Variants in APP observed in about 807,000 individuals in gnomAD.
APP encodes the protein amyloid beta precursor protein.
In APP, 31 loss-of-function variants were observed where a neutral mutation model predicts 101.4. The observed-to-expected ratio is 0.31, with a 90% CI of 0.23 to 0.41. The LOEUF (loss-of-function observed/expected upper bound fraction) is 0.41. APP is among the 10% of genes least tolerant of loss of function. APP has a pLI of 1.00. For missense variants in APP, 839 were observed against 1,003.7 expected, an observed-to-expected ratio of 0.84 and a Z score of 2.22; for synonymous variants, 366 against 364.4, an observed-to-expected ratio of 1.00 and a Z score of -0.05.
At chr21:26,070,524 T>A (rs960153504) in intron 3 of APP, among the ~76,000 whole-genome samples, 1 of 152,194 alleles carries the variant, frequency 6.6e-6, no homozygotes, top group African/African-American at 2.4e-5. Flanking sequence ...AAGGTATCTG[T>A]CTACACCTGC....
chr21:26,004,870 T>G (rs1166102334), intron 6 of APP, among the ~76,000 whole-genome samples: 1 of 150,568 alleles, frequency 6.6e-6, no homozygotes, highest in Non-Finnish European at 1.5e-5. Flanking sequence ...TTCTCATTGT[T>G]CAATTTCCAC....
intron 6 of APP, among the ~76,000 whole-genome samples, chr21:26,021,445 T>G (rs1429184351): frequency 6.6e-6 from 1 of 152,002 alleles, no homozygotes; most frequent in Non-Finnish European, 1.5e-5. Context: ...CTGAATAAAA[T>G]CAAGTCCTTA....
intron 3 of APP, among the ~76,000 whole-genome samples, chr21:26,086,385 T>C (rs1452078994): frequency 2.6e-5 from 4 of 152,164 alleles, no homozygotes; most frequent in African/African-American, 9.7e-5. Flanking sequence ...ATAGCACATA[T>C]GTCCGAGGCA....
At chr21:26,069,022 T>G (rs1019915108) in intron 3 of APP, among the ~76,000 whole-genome samples, 6 of 152,176 alleles carry the variant, frequency 3.9e-5, no homozygotes, top group Admixed American at 6.5e-5. Context: ...TGGGTCAAAG[T>G]CTTTCCTATG....
chr21:26,148,605 T>C (rs2063201702), intron 1 of APP, among the ~76,000 whole-genome samples: 1 of 152,194 alleles, frequency 6.6e-6, no homozygotes, highest in Non-Finnish European at 1.5e-5. Flanking sequence ...AGCAGTGAAA[T>C]GTGAAACGAA....
intron 1 of APP, among the ~76,000 whole-genome samples, chr21:26,139,124 C>T (rs2062985737): frequency 6.6e-6 from 1 of 151,564 alleles, no homozygotes; most frequent in Admixed American, 6.6e-5. Flanking sequence ...AACAATGATG[C>T]AACATTACGT....
intron 6 of APP, among the ~76,000 whole-genome samples, chr21:26,011,072 TA>T (rs199560440): frequency 5.9e-4 from 88 of 149,452 alleles, no homozygotes; most frequent in East Asian, 5.4e-3. Context: ...TTCACTTTTT[TA>T]TTTTTATTTA....
intron 9 of APP, among the ~76,000 whole-genome samples, chr21:25,976,279 CT>C (rs45550035): frequency 6.6e-6 from 1 of 151,964 alleles, no homozygotes; most frequent in Non-Finnish European, 1.5e-5. Context: ...CAAGGTTGGT[CT>C]TTTTTTACCC....
chr21:25,998,827 G>C (rs1428541538), intron 7 of APP, among the ~76,000 whole-genome samples: 1 of 151,102 alleles, frequency 6.6e-6, no homozygotes, highest in African/African-American at 2.4e-5. Context: ...AGCACAATTG[G>C]GAATTTCACT....
chr21:25,935,022 A>G (rs2040304304), intron 13 of APP: 1 of 152,188 alleles, frequency 6.6e-6, no homozygotes, highest in Non-Finnish European at 1.5e-5. Context: ...GAAGGGCCTC[A>G]GTTTCAAACA....
At chr21:26,121,008 G>A (rs1461850714) in intron 1 of APP, among the ~76,000 whole-genome samples, 1 of 152,134 alleles carries the variant, frequency 6.6e-6, no homozygotes, top group East Asian at 1.9e-4. Flanking sequence ...AGCCCTCTCC[G>A]GGAGGTAGGT....
chr21:26,055,754 C>G (rs1236659332), intron 3 of APP, among the ~76,000 whole-genome samples: 1 of 152,254 alleles, frequency 6.6e-6, no homozygotes, highest in Middle Eastern at 3.4e-3. Context: ...AGATTAAATG[C>G]CTGTCATGTA....
chr21:25,894,202 G>A (rs2037879326), intron 16 of APP, among the ~76,000 whole-genome samples: 1 of 152,150 alleles, frequency 6.6e-6, no homozygotes, highest in Non-Finnish European at 1.5e-5. Context: ...CAAGAGCTCT[G>A]AAGGACAGGT....
At chr21:26,125,208 A>G (rs914295324) in intron 1 of APP, among the ~76,000 whole-genome samples, 5 of 152,204 alleles carry the variant, frequency 3.3e-5, no homozygotes, top group Non-Finnish European at 7.3e-5. Flanking sequence ...CTGCTGCCAC[A>G]TTCCAAAGCA....
intron 11 of APP, among the ~76,000 whole-genome samples, chr21:25,966,139 G>T (rs2041786947): frequency 6.6e-6 from 1 of 152,148 alleles, no homozygotes; most frequent in Admixed American, 6.5e-5. Flanking sequence ...CTTCCCATTT[G>T]TATGTAGCAA....
intron 16 of APP, among the ~76,000 whole-genome samples, chr21:25,897,324 C>T (rs975219029): frequency 6.6e-5 from 10 of 152,236 alleles, no homozygotes; most frequent in Non-Finnish European, 8.8e-5. Flanking sequence ...CCATATTGGC[C>T]AGGCTGGTCT....
At chr21:25,973,609 A>T (rs1330365884) in intron 11 of APP, among the ~76,000 whole-genome samples, 2 of 152,176 alleles carry the variant, frequency 1.3e-5, no homozygotes, top group Non-Finnish European at 2.9e-5. Context: ...GTCCACAATC[A>T]CAGGCAGAGC....
At chr21:25,887,515 T>C (rs1209285754) in intron 17 of APP, among the ~76,000 whole-genome samples, 1 of 124,536 alleles carries the variant, frequency 8.0e-6, no homozygotes, top group Non-Finnish European at 1.7e-5. Context: ...TCCTGCTTAT[T>C]TGAAAAAAAA....
chr21:25,943,085 T>C (rs1249638433), intron 13 of APP: 1 of 152,206 alleles, frequency 6.6e-6, no homozygotes, highest in East Asian at 1.9e-4. Context: ...GTCATCCTTG[T>C]GCAGGGGCCA....
Sources: gnomAD v4.1 joint callset for allele counts (sites outside exome capture counted in the v4.1 genomes callset) on GRCh38, gnomAD v4.1.1 for gene constraint, MANE v1.5 for transcripts, NCBI Gene and HGNC (gene_info 2026-07-23, HGNC 2026-07-21) for gene names.